DPF3: variants seen among roughly 807,000 people sequenced by gnomAD.
DPF3 encodes the protein double PHD fingers 3, also known as zinc finger protein DPF3.
A neutral mutation model predicts 56.8 loss-of-function variants in DPF3; 18 were observed. The observed-to-expected ratio is 0.32, with a 90% CI of 0.22 to 0.47. DPF3 has a LOEUF of 0.47. DPF3 is among the 20% of genes least tolerant of loss of function. DPF3 has a pLI of 1.00. For missense variants in DPF3, 403 were observed against 488.8 expected, an observed-to-expected ratio of 0.82 and a Z score of 1.65; for synonymous variants, 188 against 180.2, an observed-to-expected ratio of 1.04 and a Z score of -0.35.
At chr14:72,840,160 G>A (rs1884486482) in intron 1 of DPF3, among the ~76,000 whole-genome samples, 1 of 152,178 alleles carries the variant, frequency 6.6e-6, no homozygotes, top group South Asian at 2.1e-4. Flanking sequence ...GGACTCAGCC[G>A]CCCACTTCTG....
intron 8 of DPF3, among the ~76,000 whole-genome samples, chr14:72,658,582 C>T (rs1379964447): frequency 6.6e-6 from 1 of 152,138 alleles, no homozygotes; most frequent in African/African-American, 2.4e-5. Context: ...AAGAGAAGGT[C>T]TTCCAGGTAC....
chr14:72,714,444 C>T lies in DPF3; in HGVS notation c.583G>A (p.Asp195Asn), dbSNP rs1215446338. Residue 195 changes from aspartate to asparagine, a missense_variant, in exon 6 of 11, where the codon GAC (aspartate) becomes AAC (asparagine). Asp to Asn is a conservative substitution (Grantham distance 23, BLOSUM62 1). Around this residue, in one of 2 missense-constraint regions of DPF3, gnomAD observed 340 missense variants for 374.3 expected, o/e 0.91. Transcript: ENST00000556509. ...RHDAASQEDH[D>N]KPYVCDICGK... ...TTACTGTCACAGACGTAAGGTTTGT[C>T]GTGGTCTTCCTGAGAGGCGGCGTCG... The T allele has an allele frequency of 3.5e-5, 56 of 1,613,740 alleles. No homozygotes were observed. The highest frequency in any genetic ancestry group is 1.3e-4 in the East Asian group (6 of 44,880).
chr14:72,858,619 G>A (rs184198459), intron 1 of DPF3, among the ~76,000 whole-genome samples: 7 of 152,286 alleles, frequency 4.6e-5, no homozygotes, highest in Admixed American at 2.0e-4. Context: ...AAACTAAGGC[G>A]TGGTCCTTCC....
intron 1 of DPF3, among the ~76,000 whole-genome samples, chr14:72,866,556 T>C (rs1053595221): frequency 1.3e-5 from 2 of 150,450 alleles, no homozygotes; most frequent in African/African-American, 4.9e-5. Flanking sequence ...AGTTTTCTCA[T>C]CGATAAAAAA....
Position 72,873,927 on chromosome 14 carries a change from G to A in DPF3, c.32+20130C>T, listed in dbSNP as rs181260373. Among the ~76,000 whole-genome samples, 85 of 151,536 alleles carry A rather than the reference G, an allele frequency of 5.6e-4. 1 individual carries two copies. In the East Asian group the frequency reaches 0.016, roughly 29 times the overall value. On this transcript the variant is annotated intron_variant, in intron 1 of 10. Transcript: ENST00000556509. ...ATCACACACCGGGGCCTGTTGTGGG[G>A]TGGGGGGAAGGGGAGGGATAGCATT...
At chr14:72,771,924 C>A in intron 1 of DPF3, 31 bp from the exon 2 acceptor site, 1 of 1,493,414 alleles carries the variant, frequency 6.7e-7, no homozygotes, top group South Asian at 1.4e-5. Context: ...AGGGGTGAGG[C>A]CAGGGAAGAC....
At chr14:72,831,093 C>T (rs553611056) in intron 1 of DPF3, among the ~76,000 whole-genome samples, 8 of 152,150 alleles carry the variant, frequency 5.3e-5, no homozygotes, top group South Asian at 4.2e-4. Context: ...AACCTGGAGG[C>T]GGGCCAGGGA....
At chr14:72,777,464 G>C (rs559041113) in intron 1 of DPF3, among the ~76,000 whole-genome samples, 6 of 152,106 alleles carry the variant, frequency 3.9e-5, no homozygotes, top group Admixed American at 1.3e-4. Flanking sequence ...GAATTGTGTC[G>C]TTCCTCCTCA....
At chr14:72,806,043 T>C (rs1882762406) in intron 1 of DPF3, 1 of 152,178 alleles carries the variant, frequency 6.6e-6, no homozygotes, top group African/African-American at 2.4e-5. Context: ...CTTGGCCTCC[T>C]TTCCCTTCAC....
intron 1 of DPF3, among the ~76,000 whole-genome samples, chr14:72,865,080 G>C (rs1004602065): frequency 3.9e-5 from 6 of 152,170 alleles, no homozygotes; most frequent in Non-Finnish European, 7.3e-5. Context: ...GTGTGAGGGA[G>C]GACATCCAGG....
At chr14:72,619,878 T>C (rs1203008212) in intron 10 of DPF3, 25 bp downstream of exon 10, 1 of 1,522,928 alleles carries the variant, frequency 6.6e-7, no homozygotes, top group South Asian at 1.2e-5. Flanking sequence ...GTTGCTGTTC[T>C]TATTGTTGAC....
intron 2 of DPF3, among the ~76,000 whole-genome samples, chr14:72,769,795 T>C (rs565282576): frequency 6.6e-6 from 1 of 152,008 alleles, no homozygotes; most frequent in Non-Finnish European, 1.5e-5. Flanking sequence ...ACATCAAATA[T>C]GTTTAAATCT....
chr14:72,798,305 A>T (rs1466164318), intron 1 of DPF3, among the ~76,000 whole-genome samples: 3 of 148,726 alleles, frequency 2.0e-5, no homozygotes, highest in Non-Finnish European at 4.5e-5. Context: ...CTCTATAAGC[A>T]GAACTTTACT....
chr14:72,861,723 GAGAAAGAAAGAAAGAGAA>G (rs1238353728), intron 1 of DPF3, among the ~76,000 whole-genome samples: 1 of 71,770 alleles, frequency 1.4e-5, no homozygotes, highest in Non-Finnish European at 2.7e-5. Flanking sequence ...AAGAAAGAGA[GAGAAAGAAAGAAAGAGAA>G]AGAAAGAAAG....
intron 1 of DPF3, among the ~76,000 whole-genome samples, chr14:72,838,905 A>ATATATATATATTTTTTTTTT: frequency 1.6e-5 from 1 of 64,480 alleles, no homozygotes; most frequent in Non-Finnish European, 2.8e-5. Context: ...TATCATATAT[A>ATATATATATATTTTTTTTTT]TTCTTTTTTT....
intron 1 of DPF3, among the ~76,000 whole-genome samples, chr14:72,827,417 A>G (rs1404485457): frequency 1.3e-5 from 2 of 151,198 alleles, no homozygotes; most frequent in Non-Finnish European, 2.9e-5. Flanking sequence ...TGAATTGTGC[A>G]ATATTCTGGC....
At chr14:72,864,596 A>T (rs1311824707) in intron 1 of DPF3, among the ~76,000 whole-genome samples, 1 of 152,238 alleles carries the variant, frequency 6.6e-6, no homozygotes, top group African/African-American at 2.4e-5. Context: ...ATGGATATGA[A>T]AGCAAAGCTT....
chr14:72,838,905 ATTCTTTTT>A lies in DPF3; in HGVS notation c.32+55144_32+55151del, dbSNP rs1368769618. The stretch of plus-strand genomic sequence containing the variant: ...ATCTATCATATATATTATCATATAT[ATTCTTTTT>A]TTTTTTTTTTTTTTTTTTTTTTTTT... On this transcript the variant is annotated intron_variant, in intron 1 of 10. Coordinates refer to ENST00000556509, the MANE Select transcript of DPF3 (RefSeq NM_001280542.3). Among the ~76,000 whole-genome samples, 71 of 64,504 alleles carry A rather than the reference ATTCTTTTT, an allele frequency of 1.1e-3. 1 individual carries two copies. Among genetic ancestry groups the A allele is most frequent in the Non-Finnish European group, 7.8e-4 (28 of 36,110 alleles). The allele number at this position is 64,504 out of a possible 152,430, so 42.3% of individuals were successfully genotyped here.
chr14:72,889,491 T>A (rs1289852459), intron 1 of DPF3, among the ~76,000 whole-genome samples: 1 of 152,112 alleles, frequency 6.6e-6, no homozygotes, highest in Non-Finnish European at 1.5e-5. Flanking sequence ...AGGCAGCAAG[T>A]TCACAAAGTC....
Sources: gnomAD v4.1 joint callset for allele counts (sites outside exome capture counted in the v4.1 genomes callset) on GRCh38, gnomAD v4.1.1 for gene constraint, gnomAD v4.1.1 regional missense constraint, MANE v1.5 for transcripts, NCBI Gene and HGNC (gene_info 2026-07-23, HGNC 2026-07-21) for gene names.